ABCC9: variants seen among roughly 807,000 people sequenced by gnomAD.
The protein encoded by ABCC9 is ATP-binding cassette sub-family C member 9.
Under a neutral mutation model 188.3 loss-of-function variants are expected in ABCC9, and 95 were observed. That is an observed-to-expected ratio of 0.50 (90% confidence interval 0.43 to 0.60). The LOEUF is 0.60. ABCC9 is among the 20% of genes least tolerant of loss of function. The probability of loss-of-function intolerance (pLI) is 0.00; values close to 1 mark genes in which losing one functional copy is unlikely to be tolerated. For synonymous variants in ABCC9, 659 were observed against 652.7 expected, an observed-to-expected ratio of 1.01 and a Z score of -0.15; for missense variants, 1,102 against 1,876.3, an observed-to-expected ratio of 0.59 and a Z score of 7.62.
At chr12:21,834,962 C>T (rs1943995380) in intron 30 of ABCC9, among the ~76,000 whole-genome samples, 1 of 152,002 alleles carries the variant, frequency 6.6e-6, no homozygotes, top group Admixed American at 6.6e-5. Context: ...AGACGTAGAT[C>T]CTCCTCCCAT....
intron 31 of ABCC9, chr12:21,827,109 T>C: frequency 1.0e-6 from 1 of 985,202 alleles, no homozygotes; most frequent in African/African-American, 1.7e-5. Context: ...CTTTTTCACG[T>C]GGGGGTTAAA....
At chr12:21,886,681 T>C (rs937261647) in intron 15 of ABCC9, among the ~76,000 whole-genome samples, 5 of 152,104 alleles carry the variant, frequency 3.3e-5, no homozygotes, top group African/African-American at 1.2e-4. Context: ...GTCAATAAAA[T>C]CCAAACTCTT....
intron 12 of ABCC9, among the ~76,000 whole-genome samples, chr12:21,905,422 A>G (rs957891354): frequency 1.3e-5 from 2 of 152,118 alleles, no homozygotes; most frequent in African/African-American, 4.8e-5. Flanking sequence ...ATTAAAAAAA[A>G]AAAGAATGCT....
rs536949651 is a variant in ABCC9, at chr12:21,860,086, C to T, written c.2425-420G>A. Among the ~76,000 whole-genome samples the T allele has an allele frequency of 1.3e-3, 121 of 96,144 alleles. 1 individual carries two copies. Among genetic ancestry groups the T allele is most frequent in the Non-Finnish European group, 1.4e-4 (7 of 48,340 alleles). The allele number at this position is 96,144 out of a possible 152,430, so 63.1% of individuals were successfully genotyped here. On this transcript the variant is annotated intron_variant, in intron 21 of 39. Coordinates refer to ENST00000261200, the MANE Select transcript of ABCC9 (RefSeq NM_020297.4). ...TGCTTTCATAATAAAGTACCACTTA[C>T]ACTTTAAAAAAAAAACTAGTATTAA...
rs373386719 is a variant in ABCC9 at position 21,933,768 on chromosome 12, C to G, written c.284+14G>C. Reference sequence around the variant, plus strand: ...GGTATACTGCAGTGGTATTATTTAACTTAGATCACTTACGAGTCTGAAACA... The same window carrying G: ...GGTATACTGCAGTGGTATTATTTAAGTTAGATCACTTACGAGTCTGAAACA... On this transcript the variant is annotated intron_variant, in intron 4 of 39. Coordinates refer to ENST00000261200, the MANE Select transcript of ABCC9 (RefSeq NM_020297.4). The G allele has an allele frequency of 1.1e-5, 17 of 1,613,214 alleles. 1 individual carries two copies. In the African/African-American group the frequency reaches 2.0e-4, roughly 19 times the overall value.
chr12:21,868,377 C>T (rs909972691), intron 18 of ABCC9, among the ~76,000 whole-genome samples: 1 of 152,180 alleles, frequency 6.6e-6, no homozygotes. Flanking sequence ...CGGTGGCTCA[C>T]GCCTGTAATC....
chr12:21,811,982 TA>T, intron 36 of ABCC9, 66 bp downstream of exon 36: 2 of 1,167,082 alleles, frequency 1.7e-6, no homozygotes, highest in Non-Finnish European at 1.3e-6. Flanking sequence ...TGACTCTGAG[TA>T]AAACCTTTCT....
intron 24 of ABCC9, among the ~76,000 whole-genome samples, chr12:21,850,400 C>T (rs1282365115): frequency 6.6e-6 from 1 of 152,068 alleles, no homozygotes; most frequent in African/African-American, 2.4e-5. Context: ...TGGCAGTAAT[C>T]TCCCTCCATC....
intron 25 of ABCC9, 114 bp downstream of exon 25, chr12:21,848,036 A>AT: frequency 3.4e-6 from 3 of 873,254 alleles, no homozygotes; most frequent in Non-Finnish European, 5.6e-6. Context: ...ACTTGATTTA[A>AT]TTTTTTCCCC....
intron 3 of ABCC9, among the ~76,000 whole-genome samples, chr12:21,935,281 A>G (rs1949442054): frequency 6.6e-6 from 1 of 152,162 alleles, no homozygotes; most frequent in African/African-American, 2.4e-5. Flanking sequence ...TTCATGGCCT[A>G]CAAATAATAC....
intron 28 of ABCC9, among the ~76,000 whole-genome samples, chr12:21,843,952 A>C (rs558098742): frequency 3.2e-4 from 48 of 152,342 alleles, no homozygotes; most frequent in Admixed American, 7.2e-4. Context: ...AGAGTGATAT[A>C]ATTTCAGAGT....
At position 21,866,459 on chromosome 12, in the gene ABCC9, C is replaced by G. The variant is rs372855504; in HGVS notation, c.2199-1982G>C. On this transcript the variant is annotated intron_variant, in intron 18 of 39. Transcript: ENST00000261200. The stretch of plus-strand genomic sequence containing the variant: ...GTTCTTATAAAACACTGTACTTCTT[C>G]CTAGTCTTTATAAAACATTAATAAA... Among the ~76,000 whole-genome samples the G allele has an allele frequency of 1.4e-4, 22 of 152,122 alleles. 1 individual carries two copies. The highest frequency in any genetic ancestry group is 5.3e-4 in the African/African-American group (22 of 41,538).
rs1946955991 is a variant in ABCC9, at chr12:21,887,821, C to T, written c.1911+5G>A. On this transcript the variant is annotated splice_donor_5th_base_variant and intron_variant, in intron 15 of 39. Transcript: ENST00000261200. ...CAACTTCCAAAACAAAAATAAAGCACTTACAACTCCAGTGTGCTTCTTACA... is the reference window on the plus strand; with the variant it reads ...CAACTTCCAAAACAAAAATAAAGCATTTACAACTCCAGTGTGCTTCTTACA... 6.2e-7 allele frequency: 1 copy of T among 1,601,916 alleles called. No homozygotes were observed. Among genetic ancestry groups the T allele is most frequent in the African/African-American group, 1.3e-5 (1 of 74,634 alleles).
intron 18 of ABCC9, chr12:21,869,634 C>A (rs754973759): frequency 6.6e-6 from 1 of 152,194 alleles, no homozygotes; most frequent in African/African-American, 2.4e-5. Flanking sequence ...ATTCTAGACC[C>A]TTTTAGGATC....
intron 26 of ABCC9, among the ~76,000 whole-genome samples, 182 bp downstream of exon 26, chr12:21,845,421 C>T (rs1166104093): frequency 6.6e-6 from 1 of 151,764 alleles, no homozygotes; most frequent in Non-Finnish European, 1.5e-5. Flanking sequence ...TTAATAATAG[C>T]TTCTATTTTA....
chr12:21,939,870 A>G (rs1949627272), intron 2 of ABCC9, among the ~76,000 whole-genome samples: 1 of 152,362 alleles, frequency 6.6e-6, no homozygotes, highest in Non-Finnish European at 1.5e-5. Context: ...TTACGATTTC[A>G]TGGCAAGAAT....
chr12:21,881,655 T>G (rs555682961), intron 16 of ABCC9, among the ~76,000 whole-genome samples: 1 of 151,932 alleles, frequency 6.6e-6, no homozygotes, highest in East Asian at 1.9e-4. Flanking sequence ...TCCTTATCTT[T>G]TCATAGCCCC....
In ABCC9 at chr12:21,908,806, T is replaced by A. The variant is rs116889140; in HGVS notation, c.1321-595A>T. On this transcript the variant is annotated intron_variant, in intron 10 of 39. Coordinates refer to ENST00000261200, the MANE Select transcript of ABCC9 (RefSeq NM_020297.4). ...TTAAAAAGCTAAAGTTAGTGTCCTA[T>A]CTTAATATACTTCTCTTTCCCCAAA... 5.3e-5 allele frequency among the ~76,000 whole-genome samples: 8 copies of A among 152,046 alleles called. No individual in the cohort carries two copies. In the East Asian group the frequency reaches 1.5e-3, roughly 29 times the overall value.
At chr12:21,809,632 T>C (rs1942095411) in intron 37 of ABCC9, among the ~76,000 whole-genome samples, 1 of 152,134 alleles carries the variant, frequency 6.6e-6, no homozygotes, top group South Asian at 2.1e-4. Context: ...TTGGAATATT[T>C]TGGAGTAGTC....
Sources: allele counts gnomAD v4.1 joint callset (sites outside exome capture counted in the v4.1 genomes callset), GRCh38; gene constraint gnomAD v4.1.1; transcripts MANE v1.5; gene names NCBI Gene and HGNC (gene_info 2026-07-23, HGNC 2026-07-21).